SPRING1: variants seen among roughly 807,000 people sequenced by gnomAD.
SPRING1 encodes SREBF pathway regulator in golgi 1.
SPRING1 carries 14 observed loss-of-function variants against 24.7 expected under a neutral mutation model. The ratio of observed to expected loss-of-function variants is 0.57; its 90% CI spans 0.37 to 0.88. The LOEUF is 0.88. SPRING1 is among the 40% of genes least tolerant of loss of function. The pLI is 0.00. For synonymous variants in SPRING1, 93 were observed against 106.1 expected (o/e 0.88, Z 0.76); for missense variants, 255 against 268.4 (o/e 0.95, Z 0.35).
intron 1 of SPRING1, among the ~76,000 whole-genome samples, 200 bp from the exon 2 acceptor site, chr12:116,723,423 C>T (rs548729582): frequency 1.3e-5 from 2 of 152,320 alleles, no homozygotes; most frequent in South Asian, 2.1e-4. Flanking sequence ...TAAGCTAGTG[C>T]TATGCTTGAA....
chr12:116,734,400 T>A (rs1871133402), intron 1 of SPRING1, among the ~76,000 whole-genome samples: 1 of 152,180 alleles, frequency 6.6e-6, no homozygotes, highest in African/African-American at 2.4e-5. Context: ...GACGCATGAC[T>A]ATAATCTTAA....
intron 1 of SPRING1, among the ~76,000 whole-genome samples, chr12:116,725,731 A>G (rs1870654551): frequency 6.6e-6 from 1 of 151,852 alleles, no homozygotes; most frequent in South Asian, 2.1e-4. Flanking sequence ...TAAAAATACA[A>G]AAAAATTAGC....
In SPRING1 at chr12:116,737,948, G is replaced by A; in HGVS notation, c.-48C>T. ...GCGGCCGGGGCGCGGAACGCGGCAG[G>A]CCCGGGTCCCGGGCGGCATGGCCCC... On this transcript the variant is annotated 5_prime_UTR_variant, in exon 1 of 5. Transcript: ENST00000261318. 1 of 1,333,266 alleles carries A rather than the reference G, an allele frequency of 7.5e-7. No individual in the cohort carries two copies. Among genetic ancestry groups the A allele is most frequent in the Non-Finnish European group, 9.6e-7 (1 of 1,040,478 alleles). The allele number at this position is 1,333,266 out of a possible 1,614,324, so 82.6% of individuals were successfully genotyped here.
Position 116,714,134 on chromosome 12 carries a change from T to C in SPRING1, c.*3676A>G, listed in dbSNP as rs1358253077. The C allele has an allele frequency of 1.3e-5, 2 of 152,150 alleles. No individual in the cohort carries two copies. The highest frequency in any genetic ancestry group is 4.1e-4 in the South Asian group (2 of 4,828). The allele number at this position is 152,150 out of a possible 1,614,324, so 9.4% of individuals were successfully genotyped here. ...CACAGTGACCCTGAGAGGCAGATGCTGTGACCCCATTTCACAGATGAAGGG... is the reference window on the plus strand; with the variant it reads ...CACAGTGACCCTGAGAGGCAGATGCCGTGACCCCATTTCACAGATGAAGGG... On this transcript the variant is annotated 3_prime_UTR_variant, in exon 5 of 5. Coordinates refer to ENST00000261318, the MANE Select transcript of SPRING1 (RefSeq NM_024738.4).
chr12:116,726,688 T>A (rs898744612), intron 1 of SPRING1, among the ~76,000 whole-genome samples: 1 of 152,146 alleles, frequency 6.6e-6, no homozygotes, highest in Admixed American at 6.5e-5. Flanking sequence ...TCCATCAAGC[T>A]ATGTGCAAAC....
intron 1 of SPRING1, among the ~76,000 whole-genome samples, chr12:116,724,411 G>A (rs1158993228): frequency 6.6e-6 from 1 of 152,126 alleles, no homozygotes; most frequent in Non-Finnish European, 1.5e-5. Context: ...TGATCGTTTC[G>A]ATGGTATAAA....
At chr12:116,718,562 T>C (rs1042076975) in intron 4 of SPRING1, among the ~76,000 whole-genome samples, 3 of 152,232 alleles carry the variant, frequency 2.0e-5, no homozygotes, top group Non-Finnish European at 4.4e-5. Context: ...TTAACAGACA[T>C]ATAGCCAAGT....
rs1229057230 is a variant in SPRING1 at position 116,713,528 on chromosome 12, G to A, written c.*4282C>T. The A allele has an allele frequency of 1.3e-5, 2 of 152,038 alleles. No homozygotes were observed. Among genetic ancestry groups the A allele is most frequent in the Non-Finnish European group, 2.9e-5 (2 of 68,008 alleles). The allele number at this position is 152,038 out of a possible 1,614,324, so 9.4% of individuals were successfully genotyped here. A position where few individuals can be genotyped will look rare whatever the true frequency, so the allele number is the denominator to read the frequency against. On this transcript the variant is annotated 3_prime_UTR_variant, in exon 5 of 5. Coordinates refer to ENST00000261318, the MANE Select transcript of SPRING1 (RefSeq NM_024738.4). ...AAAATAATATCACAGGGTTACCAGG[G>A]GTATGACAAAAATGGACACTTCCAT...
At position 116,714,847 on chromosome 12, in the gene SPRING1, T is replaced by C. The variant is rs1473065642; in HGVS notation, c.*2963A>G. The stretch of plus-strand genomic sequence containing the variant: ...TAGCATTGCCAGATCCCAGGCCCTG[T>C]GGAAGGTATTTCCCTCCCTCTTTTG... On this transcript the variant is annotated 3_prime_UTR_variant, in exon 5 of 5. Transcript: ENST00000261318. 6.7e-6 allele frequency: 1 copy of C among 149,490 alleles called. No individual in the cohort carries two copies. The highest frequency in any genetic ancestry group is 1.5e-5 in the Non-Finnish European group (1 of 67,598). The allele number at this position is 149,490 out of a possible 1,614,324, so 9.3% of individuals were successfully genotyped here.
Position 116,711,419 on chromosome 12 carries a change from C to T in SPRING1, c.*6391G>A, listed in dbSNP as rs1869867940. ...GCACGGTGGCGGGCGCCTGTAGTCC[C>T]AGCTACTCGGGAGGCTGAGGCAGGA... On this transcript the variant is annotated 3_prime_UTR_variant, in exon 5 of 5. Coordinates refer to ENST00000261318, the MANE Select transcript of SPRING1 (RefSeq NM_024738.4). 6.6e-6 allele frequency: 1 copy of T among 152,244 alleles called. No homozygotes were observed. The highest frequency in any genetic ancestry group is 1.5e-5 in the Non-Finnish European group (1 of 68,180). 9.4% of individuals were successfully genotyped at this position (152,244 alleles called of 1,614,324 possible). A position where few individuals can be genotyped will look rare whatever the true frequency, so the allele number is the denominator to read the frequency against.
chr12:116,732,602 G>A (rs1871032385), intron 1 of SPRING1, among the ~76,000 whole-genome samples: 1 of 152,226 alleles, frequency 6.6e-6, no homozygotes, highest in Non-Finnish European at 1.5e-5. Flanking sequence ...AGCTACTCAG[G>A]AGGCTGAAGC....
chr12:116,720,293 T>C lies in SPRING1; in HGVS notation c.420+3A>G, dbSNP rs1167454205. 2.5e-6 allele frequency: 4 copies of C among 1,606,816 alleles called. No homozygotes were observed. Among genetic ancestry groups the C allele is most frequent in the Non-Finnish European group, 3.4e-6 (4 of 1,177,778 alleles). On this transcript the variant is annotated splice_donor_region_variant and intron_variant, in intron 3 of 4. Transcript: ENST00000261318. This position sits in a 1 kb window ranked among gnomAD's most constrained non-coding sequence, Gnocchi z 4.0. ...CCGCAGAACCAGGATCAACTCCCCA[T>C]ACCTTGTTGGGCTGCAGGCAGCAGG... is the stretch of plus-strand genomic sequence containing the variant.
chr12:116,717,826 T>C lies in SPRING1; in HGVS notation c.602A>G (p.Glu201Gly). The C allele has an allele frequency of 6.2e-7, 1 of 1,601,284 alleles. No individual in the cohort carries two copies. Among genetic ancestry groups the C allele is most frequent in the Non-Finnish European group, 8.5e-7 (1 of 1,174,892 alleles). Residue 201 changes from glutamate (E) to glycine (G), a missense_variant, in exon 5 of 5, where the codon GAG becomes GGG. Coordinates refer to ENST00000261318, the MANE Select transcript of SPRING1 (RefSeq NM_024738.4). This position sits in a 1 kb window ranked among gnomAD's most constrained non-coding sequence, Gnocchi z 4.2. ...CTGCACCCGTCAAGCGGGGAAGAGC[T>C]CGGGCGGGCTTTCTCCATAGCAATA... ...AKYCYGESPP[E>G]LFPA
chr12:116,723,330 G>A, intron 1 of SPRING1, 107 bp from the exon 2 acceptor site: 1 of 1,323,220 alleles, frequency 7.6e-7, no homozygotes, highest in Non-Finnish European at 1.0e-6. Context: ...ACTATAAAAG[G>A]CTTACACTAC....
chr12:116,738,030 C>A lies in SPRING1; in HGVS notation c.-130G>T. 9.1e-7 allele frequency: 1 copy of A among 1,101,088 alleles called. No individual in the cohort carries two copies. Among genetic ancestry groups the A allele is most frequent in the African/African-American group, 1.7e-5 (1 of 60,056 alleles). 68.2% of individuals were successfully genotyped at this position (1,101,088 alleles called of 1,614,324 possible). On this transcript the variant is annotated 5_prime_UTR_variant, in exon 1 of 5. Coordinates refer to ENST00000261318, the MANE Select transcript of SPRING1 (RefSeq NM_024738.4). ...GGCGCCGGCCCCGCCGCCCGCAGCC[C>A]AGTCTGCTCCCGGCAGCCTTGGGCG...
At chr12:116,726,788 G>A (rs1452618124) in intron 1 of SPRING1, among the ~76,000 whole-genome samples, 2 of 152,150 alleles carry the variant, frequency 1.3e-5, no homozygotes, top group East Asian at 1.9e-4. Context: ...TGGATTTTAC[G>A]ACAAGGTTAA....
chr12:116,731,915 C>T (rs934725476), intron 1 of SPRING1, among the ~76,000 whole-genome samples: 1 of 152,198 alleles, frequency 6.6e-6, no homozygotes, highest in Admixed American at 6.5e-5. Context: ...AGCACATGTC[C>T]TCCACGGTCA....
intron 1 of SPRING1, among the ~76,000 whole-genome samples, chr12:116,730,057 CGCCCGGCTAATTTTTTGTATTTTTAGT>C (rs964121447): frequency 3.0e-4 from 46 of 152,244 alleles, no homozygotes; most frequent in African/African-American, 1.0e-3. Flanking sequence ...CCCACCACCA[CGCCCGGCTAATTTTTTGTATTTTTAGT>C]AGAGACAGGG....
chr12:116,723,770 T>A (rs760705669), intron 1 of SPRING1, among the ~76,000 whole-genome samples: 3 of 152,154 alleles, frequency 2.0e-5, no homozygotes, highest in Non-Finnish European at 4.4e-5. Flanking sequence ...AAATGAAGCA[T>A]GTCAACTTGT....
Sources: gnomAD v4.1 joint callset for allele counts (sites outside exome capture counted in the v4.1 genomes callset) on GRCh38, gnomAD v4.1.1 for gene constraint, Gnocchi (gnomAD v3.1) non-coding constraint, MANE v1.5 for transcripts, NCBI Gene and HGNC (gene_info 2026-07-23, HGNC 2026-07-21) for gene names.